Variants in FERMT1 observed in about 807,000 individuals in gnomAD.
FERMT1 encodes the protein FERM domain containing kindlin 1.
FERMT1 carries 60 observed loss-of-function variants against 85.3 expected under a neutral mutation model. The ratio of observed to expected loss-of-function variants is 0.70; its 90% CI spans 0.57 to 0.87. FERMT1 has a LOEUF of 0.87. Among genes scored for constraint, FERMT1 ranks in the 40% least tolerant of loss-of-function variants. The probability of loss-of-function intolerance (pLI) is 0.00; values close to 1 mark genes in which losing one functional copy is unlikely to be tolerated. For missense variants in FERMT1, 701 were observed against 818.9 expected, an observed-to-expected ratio of 0.86 and a Z score of 1.76; for synonymous variants, 275 against 301.1, an observed-to-expected ratio of 0.91 and a Z score of 0.90.
At chr20:6,083,693 T>TA (rs11364895) in intron 13 of FERMT1, among the ~76,000 whole-genome samples, 7,797 of 99,508 alleles carry the variant, frequency 0.078, 466 homozygotes, top group Middle Eastern at 0.15. Context: ...CCCGATCTCT[T>TA]AAAAAAAAAA....
chr20:6,087,547 G>A (rs1982219582), intron 11 of FERMT1: 1 of 499,748 alleles, frequency 2.0e-6, no homozygotes, highest in Non-Finnish European at 3.8e-6. Flanking sequence ...CTGACCTCAG[G>A]TGATCTGCCC....
At chr20:6,106,835 C>T (rs964414895) in intron 6 of FERMT1, among the ~76,000 whole-genome samples, 2 of 152,104 alleles carry the variant, frequency 1.3e-5, no homozygotes, top group Non-Finnish European at 2.9e-5. Context: ...TCATGTGATC[C>T]TAGCTTGTTC....
rs939390950 is a variant in FERMT1, at chr20:6,097,045, A to G, written c.958-12T>C. The G allele has an allele frequency of 1.2e-6, 2 of 1,612,530 alleles. No homozygotes were observed. Among genetic ancestry groups the G allele is most frequent in the African/African-American group, 2.7e-5 (2 of 74,884 alleles). ...TTGCTAATGTGGTACTAAAATGAAA[A>G]CAGACGTTTTAGAAATGTTATAAAC... On this transcript the variant is annotated splice_polypyrimidine_tract_variant and intron_variant, in intron 7 of 14. Coordinates refer to ENST00000217289, the MANE Select transcript of FERMT1 (RefSeq NM_017671.5).
intron 13 of FERMT1, among the ~76,000 whole-genome samples, chr20:6,081,131 G>A (rs887470748): frequency 6.6e-6 from 1 of 152,060 alleles, no homozygotes; most frequent in Admixed American, 6.6e-5. Flanking sequence ...CTAAAAGAAA[G>A]TTAGCTAGGT....
chr20:6,120,671 T>C (rs751382913), intron 1 of FERMT1, among the ~76,000 whole-genome samples: 1 of 152,172 alleles, frequency 6.6e-6, no homozygotes, highest in South Asian at 2.1e-4. Context: ...TTATGAGAAA[T>C]TCATGTTTTC....
chr20:6,087,207 C>A (rs1251822763), intron 11 of FERMT1, among the ~76,000 whole-genome samples: 1 of 152,164 alleles, frequency 6.6e-6, no homozygotes, highest in Non-Finnish European at 1.5e-5. Flanking sequence ...AGGCACAGTC[C>A]CACCAAACCT....
At chr20:6,078,674 G>T (rs1981905779) in intron 14 of FERMT1, among the ~76,000 whole-genome samples, 1 of 148,544 alleles carries the variant, frequency 6.7e-6, no homozygotes, top group African/African-American at 2.5e-5. Flanking sequence ...TTTCTGTGGA[G>T]ACAGGGTCTC....
Position 6,080,061 on chromosome 20 carries a change from C to T in FERMT1, c.1719-484G>A, listed in dbSNP as rs111554208. 4.2e-3 allele frequency among the ~76,000 whole-genome samples: 633 copies of T among 152,178 alleles called. 6 individuals carry two copies. The highest frequency in any genetic ancestry group is 0.015 in the African/African-American group (607 of 41,494). ...AACAGGGAGGTCAGTGAAAAGGTGA[C>T]ATTTGATCAAAAAATGGATATGCAT... On this transcript the variant is annotated intron_variant, in intron 13 of 14. Coordinates refer to ENST00000217289, the MANE Select transcript of FERMT1 (RefSeq NM_017671.5).
intron 10 of FERMT1, among the ~76,000 whole-genome samples, chr20:6,088,626 CTT>C (rs11475498): frequency 0.1 from 12,298 of 121,098 alleles, 802 homozygotes; most frequent in East Asian, 0.45. Context: ...CTGCTCACCT[CTT>C]TTTTTTTTTT....
At chr20:6,079,953 A>C (rs540299715) in intron 13 of FERMT1, among the ~76,000 whole-genome samples, 2 of 152,336 alleles carry the variant, frequency 1.3e-5, no homozygotes, top group Admixed American at 6.5e-5. Context: ...CATAAGTATG[A>C]GGTACATATG....
chr20:6,095,238 G>A (rs191513626), intron 8 of FERMT1, among the ~76,000 whole-genome samples: 7 of 152,272 alleles, frequency 4.6e-5, no homozygotes, highest in African/African-American at 1.4e-4. Flanking sequence ...TAGGTGGCTG[G>A]CAAAGTTCTG....
intron 8 of FERMT1, among the ~76,000 whole-genome samples, chr20:6,096,201 C>T (rs1304089365): frequency 6.6e-6 from 1 of 152,122 alleles, no homozygotes; most frequent in Non-Finnish European, 1.5e-5. Flanking sequence ...AATGGATGAC[C>T]AAGTAAATAG....
chr20:6,103,561 C>T (rs1208821499), intron 6 of FERMT1, among the ~76,000 whole-genome samples: 3 of 152,164 alleles, frequency 2.0e-5, no homozygotes, highest in African/African-American at 7.2e-5. Flanking sequence ...TCCTGACACT[C>T]TTGCCAAGAT....
chr20:6,112,411 G>T, intron 4 of FERMT1, 66 bp downstream of exon 4: 1 of 1,480,090 alleles, frequency 6.8e-7, no homozygotes, highest in African/African-American at 1.4e-5. Context: ...GGTGGGAGGA[G>T]AGATATATTT....
chr20:6,078,813 A>C (rs1981912398), intron 14 of FERMT1, among the ~76,000 whole-genome samples: 1 of 152,078 alleles, frequency 6.6e-6, no homozygotes, highest in African/African-American at 2.4e-5. Context: ...CTTCATCTGG[A>C]ATTTTCCATG....
intron 4 of FERMT1, 114 bp downstream of exon 4, chr20:6,112,363 A>T: frequency 9.3e-7 from 1 of 1,075,636 alleles, no homozygotes. Flanking sequence ...TCCTCATCAC[A>T]TCAGTTCTGC....
intron 2 of FERMT1, among the ~76,000 whole-genome samples, chr20:6,117,925 G>A (rs999957905): frequency 2.6e-5 from 4 of 152,240 alleles, no homozygotes; most frequent in Non-Finnish European, 4.4e-5. Context: ...GCCTCCCAAA[G>A]TGCTGGGATT....
intron 8 of FERMT1, 23 bp downstream of exon 8, chr20:6,096,879 G>T: frequency 6.3e-7 from 1 of 1,597,650 alleles, no homozygotes; most frequent in South Asian, 1.1e-5. Context: ...CCACAGTTCT[G>T]GGTGATCAGA....
At chr20:6,085,944 T>C (rs551977641) in intron 11 of FERMT1, among the ~76,000 whole-genome samples, 1 of 151,678 alleles carries the variant, frequency 6.6e-6, no homozygotes, top group Admixed American at 6.6e-5. Context: ...ATCAAGACCA[T>C]CCTGGCTAAC....
Sources: gnomAD v4.1 joint callset for allele counts (sites outside exome capture counted in the v4.1 genomes callset) on GRCh38, gnomAD v4.1.1 for gene constraint, MANE v1.5 for transcripts, NCBI Gene and HGNC (gene_info 2026-07-23, HGNC 2026-07-21) for gene names.